Variants in NSMCE2 observed in about 807,000 individuals in gnomAD.
The protein encoded by NSMCE2 is E3 SUMO-protein ligase NSE2.
Under a neutral mutation model 23.8 loss-of-function variants are expected in NSMCE2, and 24 were observed. The observed-to-expected ratio is 1.01, with a 90% confidence interval of 0.73 to 1.42. The LOEUF (loss-of-function observed/expected upper bound fraction) is 1.42. NSMCE2 is among the 40% of genes most tolerant of loss of function. The probability of loss-of-function intolerance (pLI) is 0.00; values close to 1 mark genes in which losing one functional copy is unlikely to be tolerated. For missense variants in NSMCE2, 284 were observed against 296.5 expected, an observed-to-expected ratio of 0.96 and a Z score of 0.31; for synonymous variants, 92 against 94.1, an observed-to-expected ratio of 0.98 and a Z score of 0.13.
intron 3 of NSMCE2, among the ~76,000 whole-genome samples, chr8:125,127,874 C>T (rs1234966674): frequency 6.6e-6 from 1 of 151,990 alleles, no homozygotes; most frequent in Non-Finnish European, 1.5e-5. Flanking sequence ...ATACACATAG[C>T]CTGAAGGTAA....
intron 3 of NSMCE2, among the ~76,000 whole-genome samples, chr8:125,117,791 A>G (rs1819085799): frequency 6.6e-6 from 1 of 152,176 alleles, no homozygotes; most frequent in Admixed American, 6.5e-5. Flanking sequence ...CAGTGTGTTC[A>G]TCTGATGTCT....
chr8:125,109,248 A>G (rs1444222144), intron 3 of NSMCE2, among the ~76,000 whole-genome samples: 2 of 152,292 alleles, frequency 1.3e-5, no homozygotes, highest in East Asian at 3.9e-4. Flanking sequence ...AATTTGCCTC[A>G]GGTTTCCTAT....
At chr8:125,169,637 C>T (rs1822070966) in intron 4 of NSMCE2, among the ~76,000 whole-genome samples, 1 of 152,210 alleles carries the variant, frequency 6.6e-6, no homozygotes. Context: ...TCACAGTCTT[C>T]AGTCCCCTTG....
At chr8:125,171,582 A>G (rs1586559546) in intron 4 of NSMCE2, among the ~76,000 whole-genome samples, 1 of 152,222 alleles carries the variant, frequency 6.6e-6, no homozygotes, top group East Asian at 1.9e-4. Flanking sequence ...CTTGCCAATA[A>G]TAAATAGTTG....
intron 3 of NSMCE2, among the ~76,000 whole-genome samples, chr8:125,147,127 A>G (rs1820729960): frequency 1.3e-5 from 2 of 152,162 alleles, no homozygotes; most frequent in African/African-American, 4.8e-5. Flanking sequence ...TGGAGTCATC[A>G]TTCTGTGAAT....
intron 5 of NSMCE2, among the ~76,000 whole-genome samples, chr8:125,281,352 G>A (rs898292180): frequency 6.6e-6 from 1 of 152,204 alleles, no homozygotes; most frequent in Admixed American, 6.5e-5. Flanking sequence ...GTCAACTGAG[G>A]CAAAGATAAA....
Position 125,111,828 on chromosome 8 carries a change from T to C in NSMCE2, c.157+9341T>C, listed in dbSNP as rs114620416. Reference sequence around the variant, plus strand: ...GAAAAAAAAATGGTTTGAAAATTACTTGATAATTGGATATGTCAATACAAC... The same window carrying C: ...GAAAAAAAAATGGTTTGAAAATTACCTGATAATTGGATATGTCAATACAAC... On this transcript the variant is annotated intron_variant, in intron 3 of 7. Transcript: ENST00000287437. Among the ~76,000 whole-genome samples the C allele has an allele frequency of 9.6e-3, 1,462 of 152,302 alleles. 24 individuals carry two copies. Among genetic ancestry groups the C allele is most frequent in the African/African-American group, 0.033 (1,373 of 41,566 alleles).
chr8:125,140,440 A>G (rs1248361683), intron 3 of NSMCE2, among the ~76,000 whole-genome samples: 2 of 152,174 alleles, frequency 1.3e-5, no homozygotes, highest in Non-Finnish European at 2.9e-5. Context: ...AGGCGGGAGA[A>G]TTACTTGAGG....
At chr8:125,287,971 T>A (rs771493574) in intron 5 of NSMCE2, among the ~76,000 whole-genome samples, 1 of 152,192 alleles carries the variant, frequency 6.6e-6, no homozygotes, top group Non-Finnish European at 1.5e-5. Context: ...TATCTACACC[T>A]AAATATAACT....
At chr8:125,263,277 T>C (rs1300377223) in intron 5 of NSMCE2, among the ~76,000 whole-genome samples, 2 of 152,224 alleles carry the variant, frequency 1.3e-5, no homozygotes, top group South Asian at 2.1e-4. Context: ...CAGGGATCTA[T>C]GTAGGTATGT....
chr8:125,364,069 G>A (rs998953287), intron 7 of NSMCE2, among the ~76,000 whole-genome samples: 38 of 151,928 alleles, frequency 2.5e-4, no homozygotes, highest in Admixed American at 9.2e-4. Flanking sequence ...TCAGCCTCAC[G>A]AGTAGCTGGG....
chr8:125,333,781 G>C (rs1331782755), intron 5 of NSMCE2, among the ~76,000 whole-genome samples: 1 of 151,994 alleles, frequency 6.6e-6, no homozygotes, highest in East Asian at 1.9e-4. Context: ...CCAAAGTGCT[G>C]GGATTACAGG....
At chr8:125,271,320 A>G (rs1416363124) in intron 5 of NSMCE2, among the ~76,000 whole-genome samples, 1 of 151,994 alleles carries the variant, frequency 6.6e-6, no homozygotes, top group Non-Finnish European at 1.5e-5. Context: ...GGTCTAAGTT[A>G]AGATACTATC....
chr8:125,110,132 A>G (rs1281123800), intron 3 of NSMCE2, among the ~76,000 whole-genome samples: 1 of 151,134 alleles, frequency 6.6e-6, no homozygotes, highest in Non-Finnish European at 1.5e-5. Context: ...TGTAAACTAC[A>G]TCTTTGTAGT....
At chr8:125,103,530 G>GAC (rs1818305581) in intron 3 of NSMCE2, among the ~76,000 whole-genome samples, 1 of 151,950 alleles carries the variant, frequency 6.6e-6, no homozygotes, top group African/African-American at 2.4e-5. Context: ...ATCAAATTTG[G>GAC]AAAAATTTCT....
At chr8:125,335,506 T>C (rs1830040492) in intron 5 of NSMCE2, among the ~76,000 whole-genome samples, 1 of 152,194 alleles carries the variant, frequency 6.6e-6, no homozygotes, top group African/African-American at 2.4e-5. Context: ...AAGCCCTCTC[T>C]AAGAATATTA....
At chr8:125,309,674 A>G (rs931495797) in intron 5 of NSMCE2, among the ~76,000 whole-genome samples, 3 of 152,152 alleles carry the variant, frequency 2.0e-5, no homozygotes, top group African/African-American at 4.8e-5. Context: ...ACAGTGAGCT[A>G]TGATCACGCC....
intron 5 of NSMCE2, among the ~76,000 whole-genome samples, chr8:125,245,467 T>A (rs778547736): frequency 1.3e-5 from 2 of 152,130 alleles, no homozygotes; most frequent in Non-Finnish European, 2.9e-5. Flanking sequence ...GATTCACAAG[T>A]TAATGGCAAG....
At chr8:125,327,529 G>GT (rs951269905) in intron 5 of NSMCE2, among the ~76,000 whole-genome samples, 15 of 150,504 alleles carry the variant, frequency 1.0e-4, no homozygotes, top group South Asian at 4.2e-4. Flanking sequence ...GTAAGAGAGT[G>GT]TTTTTTTTTA....
Sources: gnomAD v4.1 joint callset for allele counts (sites outside exome capture counted in the v4.1 genomes callset) on GRCh38, gnomAD v4.1.1 for gene constraint, MANE v1.5 for transcripts, NCBI Gene and HGNC (gene_info 2026-07-23, HGNC 2026-07-21) for gene names.